Variants in SHF observed in about 807,000 individuals in gnomAD.
SHF encodes the protein SH2 domain-containing adapter protein F.
Under a neutral mutation model 42.4 loss-of-function variants are expected in SHF, and 30 were observed. The ratio of observed to expected loss-of-function variants is 0.71; its 90% CI spans 0.53 to 0.96. SHF has a LOEUF of 0.96. SHF is among the 40% of genes least tolerant of loss of function. The pLI, the probability that SHF is intolerant of heterozygous loss-of-function variation, is 0.00. For missense variants in SHF, 598 were observed against 634.0 expected (o/e 0.94, Z 0.61); for synonymous variants, 264 against 269.9 (o/e 0.98, Z 0.21).
intron 2 of SHF, chr15:45,198,675 G>C (rs543193173): frequency 6.8e-7 from 1 of 1,472,076 alleles, no homozygotes; most frequent in Non-Finnish European, 9.1e-7. Context: ...ATACGATCAC[G>C]GCGAGCTACC....
At chr15:45,173,055 A>G (rs1450549601) in intron 4 of SHF, among the ~76,000 whole-genome samples, 1 of 152,230 alleles carries the variant, frequency 6.6e-6, no homozygotes, top group East Asian at 1.9e-4. Context: ...AAATGTACGA[A>G]CAGATGCTCA....
intron 1 of SHF, among the ~76,000 whole-genome samples, chr15:45,180,743 A>G (rs1168161462): frequency 6.6e-6 from 1 of 152,076 alleles, no homozygotes; most frequent in Non-Finnish European, 1.5e-5. Flanking sequence ...GTGCTGGGCT[A>G]TTATCACACT....
At chr15:45,195,448 C>T (rs368579773) in intron 2 of SHF, among the ~76,000 whole-genome samples, 1 of 152,176 alleles carries the variant, frequency 6.6e-6, no homozygotes, top group African/African-American at 2.4e-5. Flanking sequence ...TTCCCCTTGA[C>T]TTCTTTGCAC....
chr15:45,198,943 A>G, exon 2 of SHF: 1 of 1,613,880 alleles, frequency 6.2e-7, no homozygotes, highest in South Asian at 1.1e-5. Flanking sequence ...GCATCCAGGA[A>G]TGGGGCTGGG....
At chr15:45,176,489 C>G (rs564516691) in intron 2 of SHF, among the ~76,000 whole-genome samples, 2 of 151,970 alleles carry the variant, frequency 1.3e-5, no homozygotes, top group Middle Eastern at 6.8e-3. Context: ...TCTTTCTGAT[C>G]ACCCCCATTT....
At chr15:45,181,599 G>GTA (rs1354833857) in intron 1 of SHF, among the ~76,000 whole-genome samples, 4 of 152,208 alleles carry the variant, frequency 2.6e-5, no homozygotes. Flanking sequence ...GGTACTCAAT[G>GTA]TATACTAAGG....
chr15:45,199,007 T>G, exon 2 of SHF: 1 of 1,610,772 alleles, frequency 6.2e-7, no homozygotes, highest in Non-Finnish European at 8.5e-7. Context: ...CGGAGACCCT[T>G]GCCGCGAACC....
chr15:45,178,044 G>T, intron 2 of SHF, 121 bp downstream of exon 2: 1 of 1,371,454 alleles, frequency 7.3e-7, no homozygotes, highest in Non-Finnish European at 9.8e-7. Context: ...CTAAGGACCT[G>T]GAAAAGACTT....
At chr15:45,178,333 G>T in intron 1 of SHF, 27 bp from the exon 2 acceptor site, 2 of 1,603,292 alleles carry the variant, frequency 1.2e-6, no homozygotes, top group Non-Finnish European at 1.7e-6. Context: ...AAGAGAGTGG[G>T]CTTCAGGGAG....
At chr15:45,178,677 G>T (rs769792006) in intron 1 of SHF, among the ~76,000 whole-genome samples, 31 of 151,940 alleles carry the variant, frequency 2.0e-4, no homozygotes, top group Non-Finnish European at 3.7e-4. Context: ...TGGGACTACA[G>T]GCACGCACCA....
rs373878011 is a variant in SHF, at chr15:45,173,622, G to C, written c.942C>G (p.Ser314=). 6.5e-7 allele frequency: 1 copy of C among 1,550,148 alleles called. No individual in the cohort carries two copies. The highest frequency in any genetic ancestry group is 1.2e-5 in the South Asian group (1 of 83,902). The part of the protein sequence containing the change: ...PSLPDGDRDI[S]GPASPLPEPS... ...GCTCAGGGAGGGGCGAGGCTGGACC[G>C]GAGATGTCCCTGTCCCCATCAGGCA... The change falls in exon 4 of 7, where the codon TCC becomes TCG. Residue 314 remains serine (S), a synonymous_variant. Transcript: ENST00000690270.
rs78925095 is a variant in SHF at position 45,194,207 on chromosome 15, C to A, written c.303+4565G>T. The stretch of plus-strand genomic sequence containing the variant: ...GTAAAGGAGAGCTTTCTTACCTCTC[C>A]CCCAACCTCCATCATGGAGTGAATT... On this transcript the variant is annotated intron_variant, in intron 2 of 7. Transcript: ENST00000290894. Among the ~76,000 whole-genome samples the A allele has an allele frequency of 8.6e-5, 13 of 151,920 alleles. No homozygotes were observed. The East Asian group carries it at 2.1e-3, about 25-fold the overall frequency.
chr15:45,187,998 CGGGGGCGGGGGTGGGGAG>C (rs1189710913), upstream of SHF: 5 of 163,184 alleles, frequency 3.1e-5, no homozygotes, highest in African/African-American at 5.5e-5. Flanking sequence ...GGGTGGGGGG[CGGGGGCGGGGGTGGGGAG>C]GGGGGCGGGG....
intron 2 of SHF, among the ~76,000 whole-genome samples, chr15:45,196,042 C>A (rs1385942386): frequency 6.6e-6 from 1 of 151,582 alleles, no homozygotes; most frequent in Non-Finnish European, 1.5e-5. Flanking sequence ...GAATTAGTTG[C>A]CGATATTTAA....
At chr15:45,198,838 TTTC>T (rs1221563193) in exon 2 of SHF, 24 of 1,613,812 alleles carry the variant, frequency 1.5e-5, no homozygotes, top group Middle Eastern at 1.6e-4. Context: ...GCCAGTTGCT[TTTC>T]TTCTTCTGTT....
chr15:45,186,758 T>C (rs1422677010), intron 1 of SHF, among the ~76,000 whole-genome samples: 1 of 152,166 alleles, frequency 6.6e-6, no homozygotes, highest in African/African-American at 2.4e-5. Flanking sequence ...GCACTGACTA[T>C]CCTCATACCT....
rs537269182 is a variant in SHF, at chr15:45,198,916, T to C, written c.159A>G (p.Leu53=). The C allele has an allele frequency of 3.7e-6, 6 of 1,613,474 alleles. No homozygotes were observed. The African/African-American group carries it at 4.0e-5, about 11-fold the overall frequency. ...GCTCCCGGTGAGCGCAGTGGGAGTT[T>C]AGGGGAGACGGCGTGAGCATCCAGG... Residue 53 remains leucine (L), a synonymous_variant, in exon 2 of 8, where the codon CTA becomes CTG. Transcript: ENST00000290894.
rs745663379 is a variant in SHF at position 45,167,981 on chromosome 15, G to C, written c.1433C>G (p.Ser478Cys). 5 of 1,612,750 alleles carry C rather than the reference G, an allele frequency of 3.1e-6. No homozygotes were observed. The South Asian group carries it at 5.5e-5, about 18-fold the overall frequency. The change falls in exon 7 of 7, where the codon TCC (serine) becomes TGC (cysteine). Residue 478 changes from serine to cysteine, a missense_variant. Physicochemically the swap from Ser to Cys is moderately radical, Grantham distance 112. Around this residue, in one of 2 missense-constraint regions of SHF, gnomAD observed 439 missense variants for 524.6 expected, o/e 0.84. Coordinates refer to ENST00000690270, the MANE Select transcript of SHF (RefSeq NM_001394037.1). ...KLPIKGAEHM[S>C]LLYPVAIRTL ...CCGGATGGCCACAGGGTAGAGCAGG[G>C]ACATGTGTTCGGCTCCCTTAATGGG...
intron 1 of SHF, among the ~76,000 whole-genome samples, chr15:45,199,301 G>A (rs1898989682): frequency 6.6e-6 from 1 of 152,176 alleles, no homozygotes; most frequent in African/African-American, 2.4e-5. Flanking sequence ...CCGCAGCAGG[G>A]ACTAAGTCCG....
Sources: allele counts gnomAD v4.1 joint callset (sites outside exome capture counted in the v4.1 genomes callset), GRCh38; gene constraint gnomAD v4.1.1; regional missense constraint gnomAD v4.1.1; transcripts MANE v1.5; gene names NCBI Gene and HGNC (gene_info 2026-07-23, HGNC 2026-07-21).